The following CREB5 variants were observed in gnomAD, a reference collection of about 807,000 sequenced individuals.
CREB5 encodes cAMP responsive element binding protein 5.
A neutral mutation model predicts 57.1 loss-of-function variants in CREB5; 19 were observed. The ratio of observed to expected loss-of-function variants is 0.33; its 90% confidence interval spans 0.23 to 0.49. The LOEUF (loss-of-function observed/expected upper bound fraction) is 0.49, where lower values mean the gene tolerates loss of function less well. Ranked by LOEUF, CREB5 falls within the 20% of genes least tolerant of loss-of-function variation. The pLI is 0.99. For synonymous variants in CREB5, 238 were observed against 238.3 expected (o/e 1.00, Z 0.01); for missense variants, 579 against 671.6 (o/e 0.86, Z 1.52).
At chr7:28,578,345 T>G (rs1795985549) in intron 5 of CREB5, among the ~76,000 whole-genome samples, 1 of 152,156 alleles carries the variant, frequency 6.6e-6, no homozygotes, top group South Asian at 2.1e-4. Context: ...CTTGTGGTGT[T>G]TAGAGAGAGT....
rs73090552 is a variant in CREB5 at position 28,418,161 on chromosome 7, G to T, written c.3+5244G>T. ...CCTTCCAAGCTTTTAACAAACTTGT[G>T]TTATTGCCTAGACCAGATTTTCTCA... On this transcript the variant is annotated intron_variant, in intron 1 of 10. Coordinates refer to ENST00000357727, the MANE Select transcript of CREB5 (RefSeq NM_182898.4). 9.9e-3 allele frequency among the ~76,000 whole-genome samples: 1,500 copies of T among 152,188 alleles called. 15 individuals are homozygous for T. Among genetic ancestry groups the T allele is most frequent in the Non-Finnish European group, 0.017 (1,129 of 67,994 alleles).
chr7:28,817,693 T>C (rs934991949), intron 9 of CREB5, among the ~76,000 whole-genome samples: 2 of 152,188 alleles, frequency 1.3e-5, no homozygotes, highest in East Asian at 1.9e-4. Flanking sequence ...ACACAAATAA[T>C]GTACTCTTCT....
intron 4 of CREB5, among the ~76,000 whole-genome samples, chr7:28,559,351 G>A (rs1050967395): frequency 6.6e-6 from 1 of 152,200 alleles, no homozygotes; most frequent in East Asian, 1.9e-4. Context: ...GAGTCTGGCT[G>A]TCACCCAGGC....
chr7:28,610,955 G>C (rs1797361292), intron 5 of CREB5, among the ~76,000 whole-genome samples: 1 of 151,684 alleles, frequency 6.6e-6, no homozygotes, highest in Non-Finnish European at 1.5e-5. Flanking sequence ...TGGGAGGAGA[G>C]GCATGGGCCA....
intron 5 of CREB5, among the ~76,000 whole-genome samples, chr7:28,598,794 C>G (rs866642728): frequency 2.0e-5 from 3 of 152,050 alleles, no homozygotes; most frequent in African/African-American, 7.2e-5. Flanking sequence ...GTAACTTTTC[C>G]CTACAGAGTT....
intron 1 of CREB5, among the ~76,000 whole-genome samples, chr7:28,388,292 C>T (rs1193247861): frequency 6.6e-6 from 1 of 152,100 alleles, no homozygotes; most frequent in African/African-American, 2.4e-5. Context: ...GACCCAGAGC[C>T]CAGGCTGAGA....
At chr7:28,304,578 A>C (rs1031207307) in intron 1 of CREB5, among the ~76,000 whole-genome samples, 2 of 152,190 alleles carry the variant, frequency 1.3e-5, no homozygotes, top group Non-Finnish European at 2.9e-5. Context: ...ACTTGTTCCT[A>C]TCTCTTTCAC....
chr7:28,621,562 T>C (rs1393953202), intron 5 of CREB5, among the ~76,000 whole-genome samples: 1 of 152,210 alleles, frequency 6.6e-6, no homozygotes, highest in Non-Finnish European at 1.5e-5. Context: ...GTTTATTTTG[T>C]CTTGTTTTGT....
rs186311578 is a variant in CREB5, at chr7:28,793,578, T to C, written c.703-10621T>C. Among the ~76,000 whole-genome samples, 5 of 152,308 alleles carry C rather than the reference T, an allele frequency of 3.3e-5. No individual in the cohort carries two copies. The East Asian group carries it at 9.7e-4, about 29-fold the overall frequency. ...TTAGTCAAACTTCCAGATTCCAAAG[T>C]TTAAGCATCAGTTATTGAGATGCCC... is the stretch of plus-strand genomic sequence containing the variant. On this transcript the variant is annotated intron_variant, in intron 7 of 10. Coordinates refer to ENST00000357727, the MANE Select transcript of CREB5 (RefSeq NM_182898.4).
intron 2 of CREB5, among the ~76,000 whole-genome samples, chr7:28,494,168 T>A (rs1192898923): frequency 6.6e-6 from 1 of 152,222 alleles, no homozygotes; most frequent in Non-Finnish European, 1.5e-5. Flanking sequence ...TCCAAATGAT[T>A]TTGCAAAATT....
chr7:28,810,054 A>G (rs1397703971), intron 9 of CREB5, among the ~76,000 whole-genome samples: 1 of 152,152 alleles, frequency 6.6e-6, no homozygotes, highest in Non-Finnish European at 1.5e-5. Flanking sequence ...TTTGCTTTTT[A>G]TGAATGTCTT....
At chr7:28,556,716 C>T (rs188321226) in intron 4 of CREB5, among the ~76,000 whole-genome samples, 1 of 152,134 alleles carries the variant, frequency 6.6e-6, no homozygotes, top group African/African-American at 2.4e-5. Flanking sequence ...TGACTCTGTT[C>T]TTGCCCTGAA....
chr7:28,443,336 G>A (rs2128561799), intron 1 of CREB5, among the ~76,000 whole-genome samples: 1 of 152,292 alleles, frequency 6.6e-6, no homozygotes, highest in South Asian at 2.1e-4. Context: ...TAATGTTGGG[G>A]GAAGCAGCCT....
chr7:28,473,663 A>T (rs888125306), intron 1 of CREB5, among the ~76,000 whole-genome samples: 31 of 152,306 alleles, frequency 2.0e-4, no homozygotes, highest in Middle Eastern at 3.4e-3. Context: ...CAGATGCCTT[A>T]AGAACGCTGA....
chr7:28,515,628 C>T (rs1251868875), intron 4 of CREB5, among the ~76,000 whole-genome samples: 1 of 152,124 alleles, frequency 6.6e-6, no homozygotes, highest in Non-Finnish European at 1.5e-5. Context: ...CACTCTGGGA[C>T]TCAGCTCCCT....
rs144229027 is a variant in CREB5, at chr7:28,323,178, G to A, written c.-25+23737G>A. On this transcript the variant is annotated intron_variant, in intron 1 of 9. Coordinates refer to the CREB5 transcript ENST00000396299. ...CCCCTCACCGAACTTGGCTGGGAGA[G>A]CCCCAATCCTGGTTAAAACCCACAA... Among the ~76,000 whole-genome samples the A allele has an allele frequency of 8.5e-5, 13 of 152,260 alleles. No homozygotes were observed. The East Asian group carries it at 2.5e-3, about 29-fold the overall frequency.
intron 7 of CREB5, among the ~76,000 whole-genome samples, chr7:28,799,424 G>A (rs983897795): frequency 6.6e-6 from 1 of 152,194 alleles, no homozygotes; most frequent in African/African-American, 2.4e-5. Flanking sequence ...CATTTGTTGA[G>A]TAAATAAATA....
chr7:28,445,578 A>G (rs567599292), intron 1 of CREB5, among the ~76,000 whole-genome samples: 45 of 151,112 alleles, frequency 3.0e-4, no homozygotes, highest in South Asian at 6.3e-4. Context: ...TTGAGACGGA[A>G]TCTCGCTCTG....
chr7:28,620,402 T>C (rs1466483801), intron 5 of CREB5, among the ~76,000 whole-genome samples: 6 of 152,164 alleles, frequency 3.9e-5, no homozygotes, highest in Admixed American at 3.9e-4. Flanking sequence ...AAGGGAATTC[T>C]GTGATTAAAG....
Sources: gnomAD v4.1 joint callset for allele counts (sites outside exome capture counted in the v4.1 genomes callset) on GRCh38, gnomAD v4.1.1 for gene constraint, MANE v1.5 for transcripts, NCBI Gene and HGNC (gene_info 2026-07-23, HGNC 2026-07-21) for gene names.